TSHZ2: variants seen among roughly 807,000 people sequenced by gnomAD.
The protein encoded by TSHZ2 is teashirt zinc finger homeobox 2.
TSHZ2 carries 21 observed loss-of-function variants against 74.4 expected under a neutral mutation model. That is an observed-to-expected ratio of 0.28 (90% CI 0.20 to 0.41). The LOEUF is 0.41. TSHZ2 is among the 10% of genes least tolerant of loss of function. TSHZ2 has a pLI of 1.00. For missense variants in TSHZ2, 1,244 were observed against 1,293.5 expected, an observed-to-expected ratio of 0.96 and a Z score of 0.59; for synonymous variants, 540 against 515.3, an observed-to-expected ratio of 1.05 and a Z score of -0.65.
chr20:53,450,120 T>C (rs1984717447), intron 2 of TSHZ2, among the ~76,000 whole-genome samples: 1 of 152,242 alleles, frequency 6.6e-6, no homozygotes. Context: ...GCACTGGCTA[T>C]GCCTTACTCA....
intron 2 of TSHZ2, among the ~76,000 whole-genome samples, chr20:53,450,413 T>C (rs1000612809): frequency 2.6e-5 from 4 of 152,284 alleles, no homozygotes; most frequent in Non-Finnish European, 4.4e-5. Context: ...CTAACTTTTC[T>C]TGAACTCATG....
At chr20:53,190,125 ATATATATATATATTTTCT>A (rs1600731980) in intron 1 of TSHZ2, among the ~76,000 whole-genome samples, 1 of 91,304 alleles carries the variant, frequency 1.1e-5, no homozygotes, top group East Asian at 3.7e-4. Flanking sequence ...ATATATATAT[ATATATATATATATTTTCT>A]TAAATGCCTC....
intron 1 of TSHZ2, among the ~76,000 whole-genome samples, chr20:53,047,720 T>C (rs1984276834): frequency 2.0e-5 from 3 of 151,536 alleles, no homozygotes; most frequent in African/African-American, 7.3e-5. Flanking sequence ...ACGGGCCATT[T>C]TGGAGCAAAA....
chr20:53,439,022 T>C (rs1380547759), intron 2 of TSHZ2, among the ~76,000 whole-genome samples: 4 of 152,358 alleles, frequency 2.6e-5, no homozygotes, highest in South Asian at 2.1e-4. Context: ...ATGGCAGTTA[T>C]ACAGTTCCTG....
intron 2 of TSHZ2, among the ~76,000 whole-genome samples, chr20:53,378,334 T>C (rs1981734595): frequency 8.0e-6 from 1 of 125,206 alleles, no homozygotes; most frequent in Non-Finnish European, 1.6e-5. Context: ...AGCAAAACTT[T>C]GTATCAAAAT....
Position 53,394,104 on chromosome 20 carries a change from T to A in TSHZ2, c.*9-93040T>A, listed in dbSNP as rs1982358445. On this transcript the variant is annotated intron_variant, in intron 2 of 2. Transcript: ENST00000371497. Reference sequence around the variant, plus strand: ...CTTTTTAACGGTTGCTGATCCTGCCTCAAAAGTTGTCCTGTGTTTAATGGG... The same window carrying A: ...CTTTTTAACGGTTGCTGATCCTGCCACAAAAGTTGTCCTGTGTTTAATGGG... Among the ~76,000 whole-genome samples, 3 of 152,348 alleles carry A rather than the reference T, an allele frequency of 2.0e-5. No individual in the cohort carries two copies. The South Asian group carries it at 6.2e-4, about 32-fold the overall frequency.
chr20:53,045,150 T>C (rs937646820), intron 1 of TSHZ2, among the ~76,000 whole-genome samples: 4 of 152,220 alleles, frequency 2.6e-5, no homozygotes, highest in Non-Finnish European at 5.9e-5. Context: ...TGAGGGCTTC[T>C]TCTGGGACTC....
intron 1 of TSHZ2, among the ~76,000 whole-genome samples, chr20:53,229,523 A>G (rs1989769411): frequency 6.6e-6 from 1 of 152,184 alleles, no homozygotes; most frequent in Non-Finnish European, 1.5e-5. Context: ...TCTAATCGTC[A>G]TGAGCCTAGA....
In TSHZ2 at chr20:53,260,174, T is replaced by G. The variant is rs78478486; in HGVS notation, c.*8+3603T>G. On this transcript the variant is annotated intron_variant, in intron 2 of 2. Coordinates refer to ENST00000371497, the MANE Select transcript of TSHZ2 (RefSeq NM_173485.6). Reference sequence around the variant, plus strand: ...ACTCTATTATATTTAACAATGGAAGTATAATACTGAACCAGAAGTTCTACC... The same window carrying G: ...ACTCTATTATATTTAACAATGGAAGGATAATACTGAACCAGAAGTTCTACC... 2.9e-3 allele frequency among the ~76,000 whole-genome samples: 438 copies of G among 152,348 alleles called. 4 individuals carry two copies. The highest frequency in any genetic ancestry group is 0.01 in the African/African-American group (424 of 41,584).
intron 1 of TSHZ2, among the ~76,000 whole-genome samples, chr20:53,203,766 T>G (rs575205900): frequency 6.6e-6 from 1 of 152,220 alleles, no homozygotes; most frequent in South Asian, 2.1e-4. Context: ...GTAATTCGTT[T>G]GTTTTAAAAC....
chr20:52,974,602 C>T (rs570840545), intron 1 of TSHZ2, among the ~76,000 whole-genome samples: 7 of 152,248 alleles, frequency 4.6e-5, no homozygotes, highest in South Asian at 4.1e-4. Flanking sequence ...TCATTCTGTT[C>T]CAACTCTAGC....
chr20:53,086,038 T>A (rs1014784361), intron 1 of TSHZ2, among the ~76,000 whole-genome samples: 1 of 152,204 alleles, frequency 6.6e-6, no homozygotes, highest in Non-Finnish European at 1.5e-5. Flanking sequence ...TGCACCAATC[T>A]CTTTGCATGG....
chr20:53,366,343 T>C (rs1981256792), intron 2 of TSHZ2, among the ~76,000 whole-genome samples: 1 of 152,242 alleles, frequency 6.6e-6, no homozygotes, highest in African/African-American at 2.4e-5. Flanking sequence ...TCTGCCTGTC[T>C]GTATGTCTGT....
intron 1 of TSHZ2, among the ~76,000 whole-genome samples, chr20:53,063,123 G>A (rs1984871989): frequency 6.6e-6 from 1 of 152,116 alleles, no homozygotes; most frequent in Non-Finnish European, 1.5e-5. Context: ...AATATTGCGA[G>A]AATTACCAAA....
intron 2 of TSHZ2, among the ~76,000 whole-genome samples, chr20:53,457,980 T>C (rs1178501262): frequency 1.3e-5 from 2 of 151,248 alleles, no homozygotes; most frequent in Non-Finnish European, 3.0e-5. Flanking sequence ...ATTGAGGATT[T>C]TTGCATCAAT....
chr20:53,301,966 G>A (rs900305187), intron 2 of TSHZ2, among the ~76,000 whole-genome samples: 1 of 152,184 alleles, frequency 6.6e-6, no homozygotes, highest in Non-Finnish European at 1.5e-5. Flanking sequence ...AGGAAAAGTG[G>A]GGGGAAAATC....
intron 1 of TSHZ2, among the ~76,000 whole-genome samples, chr20:53,117,881 A>T (rs1986712824): frequency 6.6e-6 from 1 of 152,198 alleles, no homozygotes. Flanking sequence ...TCTTCCCTCA[A>T]TCTACCTGTC....
chr20:53,177,159 C>T (rs757587051), intron 1 of TSHZ2, among the ~76,000 whole-genome samples: 2 of 152,186 alleles, frequency 1.3e-5, no homozygotes, highest in Non-Finnish European at 1.5e-5. Context: ...GCTGAGATTA[C>T]AGGTGTGAAC....
intron 2 of TSHZ2, among the ~76,000 whole-genome samples, chr20:53,343,941 C>T (rs1423862846): frequency 1.3e-5 from 2 of 152,142 alleles, no homozygotes; most frequent in Non-Finnish European, 2.9e-5. Context: ...CTTGGACTTC[C>T]TTTGGGCCTT....
Sources: allele counts gnomAD v4.1 joint callset (sites outside exome capture counted in the v4.1 genomes callset), GRCh38; gene constraint gnomAD v4.1.1; transcripts MANE v1.5; gene names NCBI Gene and HGNC (gene_info 2026-07-23, HGNC 2026-07-21).